CTNNA3: variants seen among roughly 807,000 people sequenced by gnomAD.
CTNNA3 encodes catenin alpha 3.
A neutral mutation model predicts 95.7 loss-of-function variants in CTNNA3; 76 were observed. The observed-to-expected ratio is 0.79, with a 90% confidence interval of 0.66 to 0.96. CTNNA3 has a LOEUF of 0.96. Ranked by LOEUF, CTNNA3 falls within the 40% of genes least tolerant of loss-of-function variation. The pLI is 0.00. For synonymous variants in CTNNA3, 431 were observed against 374.4 expected (o/e 1.15, Z -1.74); for missense variants, 1,191 against 1,089.8 (o/e 1.09, Z -1.31).
In CTNNA3 at chr10:67,133,378, T is replaced by TATATATATATAC. The variant is rs1177119156; in HGVS notation, c.1047+46938_1047+46939insGTATATATATAT. ...ACATACATACATACATATATATATA[T>TATATATATATAC]ACACACACACACACACACACACACA... is the stretch of plus-strand genomic sequence containing the variant. On this transcript the variant is annotated intron_variant, in intron 7 of 17. Coordinates refer to ENST00000433211, the MANE Select transcript of CTNNA3 (RefSeq NM_013266.4). 4.1e-3 allele frequency among the ~76,000 whole-genome samples: 546 copies of TATATATATATAC among 133,906 alleles called. 5 individuals are homozygous for TATATATATATAC. Among genetic ancestry groups the TATATATATATAC allele is most frequent in the African/African-American group, 0.015 (514 of 35,086 alleles). The allele number at this position is 133,906 out of a possible 152,430, so 87.8% of individuals were successfully genotyped here.
intron 7 of CTNNA3, among the ~76,000 whole-genome samples, chr10:67,088,475 T>C (rs1857432271): frequency 6.6e-6 from 1 of 151,898 alleles, no homozygotes; most frequent in Non-Finnish European, 1.5e-5. Context: ...TTAAGATTTT[T>C]TATTGCAAAG....
chr10:66,387,742 A>C lies in CTNNA3; in HGVS notation c.1532-8390T>G, dbSNP rs192881374. On this transcript the variant is annotated intron_variant, in intron 11 of 17. Coordinates refer to ENST00000433211, the MANE Select transcript of CTNNA3 (RefSeq NM_013266.4). ...TGGATTAAGAAAATGTGGCACATAT[A>C]CACCATGGAATACTATGCAGCCATA... Among the ~76,000 whole-genome samples, 52 of 152,328 alleles carry C rather than the reference A, an allele frequency of 3.4e-4. 1 individual carries two copies. In the East Asian group the frequency reaches 0.01, roughly 29 times the overall value.
chr10:66,276,367 A>G (rs975046374), intron 13 of CTNNA3, among the ~76,000 whole-genome samples: 1 of 152,070 alleles, frequency 6.6e-6, no homozygotes, highest in African/African-American at 2.4e-5. Context: ...TTGTGAGGAT[A>G]CTTCACTGCG....
chr10:66,395,415 A>G (rs2092967842), intron 11 of CTNNA3, among the ~76,000 whole-genome samples: 1 of 152,014 alleles, frequency 6.6e-6, no homozygotes, highest in Non-Finnish European at 1.5e-5. Flanking sequence ...CCATGCCCAA[A>G]TCGGTATCAT....
At chr10:66,444,927 C>A (rs1054223116) in intron 11 of CTNNA3, among the ~76,000 whole-genome samples, 5 of 151,940 alleles carry the variant, frequency 3.3e-5, no homozygotes, top group Non-Finnish European at 4.4e-5. Context: ...TTCAGGAAAC[C>A]CATCTCACGT....
intron 11 of CTNNA3, among the ~76,000 whole-genome samples, chr10:66,485,343 T>G (rs1451653296): frequency 1.3e-5 from 2 of 152,078 alleles, no homozygotes; most frequent in African/African-American, 4.8e-5. Context: ...AAGACCTAAA[T>G]TTTTCACACT....
intron 7 of CTNNA3, among the ~76,000 whole-genome samples, chr10:66,805,134 A>C (rs994818794): frequency 6.6e-6 from 1 of 152,078 alleles, no homozygotes; most frequent in Non-Finnish European, 1.5e-5. Context: ...GGAGGAATTA[A>C]ACATGTCCTG....
chr10:67,235,151 T>G (rs1865394076), intron 5 of CTNNA3, among the ~76,000 whole-genome samples: 1 of 152,070 alleles, frequency 6.6e-6, no homozygotes, highest in Non-Finnish European at 1.5e-5. Context: ...TTCACAGAAT[T>G]GGAAAAAACT....
intron 13 of CTNNA3, among the ~76,000 whole-genome samples, chr10:66,152,191 A>C (rs1043832687): frequency 1.3e-5 from 2 of 151,998 alleles, no homozygotes; most frequent in Non-Finnish European, 2.9e-5. Context: ...AAGACAGCAG[A>C]AGATGTTTTC....
chr10:66,402,833 C>G (rs530763316), intron 11 of CTNNA3, among the ~76,000 whole-genome samples: 1 of 152,278 alleles, frequency 6.6e-6, no homozygotes, highest in South Asian at 2.1e-4. Flanking sequence ...TGGACCCCCA[C>G]AGGGAACCCC....
upstream of CTNNA3, among the ~76,000 whole-genome samples, chr10:67,700,168 C>G (rs1564835823): frequency 6.6e-6 from 1 of 152,242 alleles, no homozygotes; most frequent in South Asian, 2.1e-4. Flanking sequence ...GGCCTGCCTG[C>G]CTCTGTAGGC....
intron 12 of CTNNA3, among the ~76,000 whole-genome samples, chr10:66,319,812 C>T (rs756483000): frequency 2.6e-5 from 4 of 152,132 alleles, no homozygotes; most frequent in Admixed American, 1.3e-4. Flanking sequence ...TCACTTCTTA[C>T]TCCCACTCTT....
At chr10:67,587,024 A>C (rs1265880126) in intron 3 of CTNNA3, among the ~76,000 whole-genome samples, 1 of 151,818 alleles carries the variant, frequency 6.6e-6, no homozygotes, top group African/African-American at 2.4e-5. Flanking sequence ...TTTCAAGTTT[A>C]GTACTCTCTT....
chr10:67,585,058 G>T (rs1842578974), intron 3 of CTNNA3, among the ~76,000 whole-genome samples: 1 of 152,112 alleles, frequency 6.6e-6, no homozygotes, highest in South Asian at 2.1e-4. Flanking sequence ...ACACTCCATG[G>T]GCTGCACCCA....
At chr10:67,427,278 T>C (rs1029204013) in intron 5 of CTNNA3, among the ~76,000 whole-genome samples, 2 of 152,002 alleles carry the variant, frequency 1.3e-5, no homozygotes, top group Non-Finnish European at 1.5e-5. Flanking sequence ...CTGCTTCATA[T>C]ACAACTGTCC....
At chr10:66,997,728 T>A (rs1056437740) in intron 7 of CTNNA3, among the ~76,000 whole-genome samples, 7 of 152,178 alleles carry the variant, frequency 4.6e-5, no homozygotes, top group African/African-American at 1.7e-4. Flanking sequence ...TATTCCGTCA[T>A]AACAATCTAT....
At position 66,254,452 on chromosome 10, in the gene CTNNA3, T is replaced by G. The variant is rs184622487; in HGVS notation, c.1884+26018A>C. 6.8e-3 allele frequency among the ~76,000 whole-genome samples: 1,042 copies of G among 152,312 alleles called. 29 individuals are homozygous for G. Among genetic ancestry groups the G allele is most frequent in the Admixed American group, 0.046 (705 of 15,292 alleles). On this transcript the variant is annotated intron_variant, in intron 13 of 17. Coordinates refer to ENST00000433211, the MANE Select transcript of CTNNA3 (RefSeq NM_013266.4). ...ATGGCTAATACGGTTCAAAATACCC[T>G]TAAGCTCCCACTTTAAAGTCCATAA...
chr10:66,808,488 G>A (rs749209854), intron 7 of CTNNA3, among the ~76,000 whole-genome samples: 4 of 151,806 alleles, frequency 2.6e-5, no homozygotes, highest in East Asian at 3.9e-4. Flanking sequence ...CTGTACCTTC[G>A]GGAGTGGTTT....
chr10:67,040,661 C>G (rs895041469), intron 7 of CTNNA3, among the ~76,000 whole-genome samples: 10 of 151,994 alleles, frequency 6.6e-5, no homozygotes, highest in Admixed American at 2.0e-4. Flanking sequence ...AAGATGATGA[C>G]ACTGATGGTG....
Sources: allele counts gnomAD v4.1 joint callset (sites outside exome capture counted in the v4.1 genomes callset), GRCh38; gene constraint gnomAD v4.1.1; transcripts MANE v1.5; gene names NCBI Gene and HGNC (gene_info 2026-07-23, HGNC 2026-07-21).